The following FGD1 variants were observed in gnomAD, a reference collection of about 807,000 sequenced individuals.
The protein encoded by FGD1 is FYVE, RhoGEF and PH domain-containing protein 1.
FGD1 carries 12 observed loss-of-function variants against 65.0 expected under a neutral mutation model. The ratio of observed to expected loss-of-function variants is 0.18; its 90% CI spans 0.12 to 0.30. FGD1 has a LOEUF of 0.30. Among genes scored for constraint, FGD1 ranks in the 10% least tolerant of loss-of-function variants. The pLI, the probability that FGD1 is intolerant of heterozygous loss-of-function variation, is 1.00. For missense variants in FGD1, 542 were observed against 837.6 expected (o/e 0.65, Z 4.36); for synonymous variants, 333 against 343.9 (o/e 0.97, Z 0.35).
rs1239848984 is a variant in FGD1, at chrX:54,495,541, G to A, written c.-109C>T. 2 of 524,164 alleles carry A rather than the reference G, an allele frequency of 3.8e-6. No homozygotes were observed. Among genetic ancestry groups the A allele is most frequent in the East Asian group, 5.4e-5 (1 of 18,503 alleles). 43.2% of individuals were successfully genotyped at this position (524,164 alleles called of 1,213,427 possible). ...CCGGCGGAGCAGCGGCCTCAGGATC[G>A]GGGGGCGGGACTGCGGGCTCAGCCC... On this transcript the variant is annotated 5_prime_UTR_variant, in exon 1 of 18. Transcript: ENST00000375135.
At position 54,468,771 on chromosome X, in the gene FGD1, C is replaced by A; in HGVS notation, c.1191+16G>T. On this transcript the variant is annotated intron_variant, in intron 5 of 17. Transcript: ENST00000375135. ...ACAAGGTCCTGGGGCCCTCGTACCC[C>A]CAAGGGGCCACTCACCTGATCCAGG... 1 of 1,179,926 alleles carries A rather than the reference C, an allele frequency of 8.5e-7. No individual in the cohort carries two copies.
chrX:54,491,511 G>C (rs1307015995), intron 1 of FGD1, among the ~76,000 whole-genome samples: 1 of 112,050 alleles, frequency 8.9e-6, no homozygotes, highest in African/African-American at 3.2e-5. Context: ...AAGGGCCTTA[G>C]ATGGGGAGGC....
At chrX:54,491,493 C>T (rs1236325639) in intron 1 of FGD1, among the ~76,000 whole-genome samples, 1 of 111,955 alleles carries the variant, frequency 8.9e-6, no homozygotes, top group East Asian at 2.8e-4. Flanking sequence ...CACATGGGGC[C>T]CTGGGGAAAG....
At chrX:54,477,884 C>T (rs1199292769) in intron 1 of FGD1, among the ~76,000 whole-genome samples, 3 of 110,697 alleles carry the variant, frequency 2.7e-5, no homozygotes, top group East Asian at 2.9e-4. Flanking sequence ...CTTTAGGAGG[C>T]CGAGGTGGGT....
chrX:54,488,633 C>A (rs1923345703), intron 1 of FGD1, among the ~76,000 whole-genome samples: 1 of 111,453 alleles, frequency 9.0e-6, no homozygotes, highest in Non-Finnish European at 1.9e-5. Context: ...AGGCATCACA[C>A]TACCGACTTT....
chrX:54,467,707 C>T lies in FGD1; in HGVS notation c.1340+77G>A, dbSNP rs1294434325. On this transcript the variant is annotated intron_variant, in intron 6 of 17. Coordinates refer to ENST00000375135, the MANE Select transcript of FGD1 (RefSeq NM_004463.3). ...GAGGAAGAGCAAGCAGAAATGAAGTCTTGTGTACACCTCTGGGTCTGGGCT... is the reference window on the plus strand; with the variant it reads ...GAGGAAGAGCAAGCAGAAATGAAGTTTTGTGTACACCTCTGGGTCTGGGCT... 5.7e-6 allele frequency: 6 copies of T among 1,051,696 alleles called. No individual in the cohort carries two copies. In the East Asian group the frequency reaches 2.0e-4, roughly 35 times the overall value. The allele number at this position is 1,051,696 out of a possible 1,213,427, so 86.7% of individuals were successfully genotyped here. A position where few individuals can be genotyped will look rare whatever the true frequency, so the allele number is the denominator to read the frequency against.
intron 1 of FGD1, among the ~76,000 whole-genome samples, chrX:54,489,427 C>A (rs777200378): frequency 4.5e-5 from 5 of 111,788 alleles, no homozygotes; most frequent in Non-Finnish European, 9.4e-5. Context: ...ACTAAAAATA[C>A]AAAGATCAGC....
Position 54,448,872 on chromosome X carries a change from G to A in FGD1, c.2370C>T (p.His790=). 1.7e-6 allele frequency: 2 copies of A among 1,211,614 alleles called. No homozygotes were observed. Among genetic ancestry groups the A allele is most frequent in the South Asian group, 3.5e-5 (2 of 56,946 alleles). ...AGGCTGGACTGCTCCCAGGCACCCC[G>A]TGCAAGGCCACATAGCAATCAGTGC... is the stretch of plus-strand genomic sequence containing the variant. ...RVCTDCYVAL[H]GVPGSSPACS... The change falls in exon 16 of 18, where the codon CAC becomes CAT. Residue 790 remains histidine, a synonymous_variant. Coordinates refer to ENST00000375135, the MANE Select transcript of FGD1 (RefSeq NM_004463.3).
Position 54,467,205 on chromosome X carries a change from A to AG in FGD1, c.1340+578dup, listed in dbSNP as rs1319399279. ...CTTGCTCAAAGCTAGCAAGTGGCAC[A>AG]GCTGGAATTTGAACTCAGCCAATTT... On this transcript the variant is annotated intron_variant, in intron 6 of 17. Transcript: ENST00000375135. 3.6e-5 allele frequency among the ~76,000 whole-genome samples: 4 copies of AG among 111,573 alleles called. No individual in the cohort carries two copies. The East Asian group carries it at 1.1e-3, about 32-fold the overall frequency.
chrX:54,461,403 C>G (rs1601952206), intron 8 of FGD1, among the ~76,000 whole-genome samples: 1 of 107,595 alleles, frequency 9.3e-6, no homozygotes, highest in East Asian at 2.9e-4. Context: ...GAGTTCGAGA[C>G]CAGCTTGGCC....
At chrX:54,451,740 T>C (rs1922382515) in intron 12 of FGD1, among the ~76,000 whole-genome samples, 1 of 106,671 alleles carries the variant, frequency 9.4e-6, no homozygotes, top group Admixed American at 1.0e-4. Flanking sequence ...AATACAAAAA[T>C]TGGCCGGGCG....
At chrX:54,494,391 C>CCACCG (rs1923477732) in intron 1 of FGD1, among the ~76,000 whole-genome samples, 1 of 104,806 alleles carries the variant, frequency 9.5e-6, no homozygotes, top group Admixed American at 1.1e-4. Flanking sequence ...TTGGATCAAT[C>CCACCG]CACCGTCTTT....
intron 3 of FGD1, 29 bp from the exon 4 acceptor site, chrX:54,470,486 G>A: frequency 1.7e-6 from 2 of 1,188,890 alleles, no homozygotes; most frequent in Non-Finnish European, 2.3e-6. Flanking sequence ...ACACATGGAA[G>A]CAGGGTATGA....
Position 54,446,053 on chromosome X carries a change from A to G in FGD1, c.*56T>C, listed in dbSNP as rs1922151384. 7.0e-6 allele frequency: 7 copies of G among 999,159 alleles called. No homozygotes were observed. Among genetic ancestry groups the G allele is most frequent in the Admixed American group, 2.8e-5 (1 of 35,524 alleles). 82.3% of individuals were successfully genotyped at this position (999,159 alleles called of 1,213,427 possible). A position where few individuals can be genotyped will look rare whatever the true frequency, so the allele number is the denominator to read the frequency against. On this transcript the variant is annotated 3_prime_UTR_variant, in exon 18 of 18. Coordinates refer to ENST00000375135, the MANE Select transcript of FGD1 (RefSeq NM_004463.3). ...GGGAGGGAAGGGGCTAGAGCCCCCA[A>G]TCAGACATGGGCAACTAGAGTGTGG...
intron 16 of FGD1, among the ~76,000 whole-genome samples, chrX:54,448,165 A>T (rs1309763542): frequency 1.8e-5 from 2 of 111,306 alleles, no homozygotes; most frequent in Non-Finnish European, 3.8e-5. Context: ...CTACTTTGTA[A>T]TAACAAAAGA....
rs1029123853 is a variant in FGD1 at position 54,456,325 on chromosome X, C to T, written c.1737G>A (p.Gly579=). ...HKLLKVYELL[G]GEEDIVSPTK... The stretch of plus-strand genomic sequence containing the variant: ...TGGGGCTGACAATGTCCTCCTCGCC[C>T]CCTAACAGCTCATATACCTTCAGCA... Residue 579 remains glycine (G), a synonymous_variant, in exon 10 of 18, where the codon GGG becomes GGA. Transcript: ENST00000375135. 2 of 1,211,312 alleles carry T rather than the reference C, an allele frequency of 1.7e-6. No individual in the cohort carries two copies. The highest frequency in any genetic ancestry group is 2.2e-6 in the Non-Finnish European group (2 of 895,336).
At chrX:54,476,986 A>C (rs1180207212) in intron 1 of FGD1, among the ~76,000 whole-genome samples, 2 of 111,994 alleles carry the variant, frequency 1.8e-5, no homozygotes, top group Non-Finnish European at 3.8e-5. Flanking sequence ...ACCAAATCTG[A>C]TAACACTTTG....
At chrX:54,483,971 C>T (rs1232399401) in intron 1 of FGD1, among the ~76,000 whole-genome samples, 2 of 111,671 alleles carry the variant, frequency 1.8e-5, no homozygotes, top group African/African-American at 3.3e-5. Context: ...TACACCACTG[C>T]CAGCTTTTGG....
intron 12 of FGD1, among the ~76,000 whole-genome samples, chrX:54,454,267 C>G (rs1278791123): frequency 9.0e-6 from 1 of 111,534 alleles, no homozygotes; most frequent in Non-Finnish European, 1.9e-5. Flanking sequence ...AGGCTACAAA[C>G]CTGTAAAGCA....
Sources: allele counts gnomAD v4.1 joint callset (sites outside exome capture counted in the v4.1 genomes callset), GRCh38; gene constraint gnomAD v4.1.1; transcripts MANE v1.5; gene names NCBI Gene and HGNC (gene_info 2026-07-23, HGNC 2026-07-21).